The following B3GALT1 variants were observed in gnomAD, a reference collection of about 807,000 sequenced individuals.
The protein encoded by B3GALT1 is UDP-Gal:betaGlcNAc beta 1,3-galactosyltransferase, polypeptide 1.
B3GALT1 carries 10 observed loss-of-function variants against 23.2 expected under a neutral mutation model. The ratio of observed to expected loss-of-function variants is 0.43; its 90% CI spans 0.27 to 0.73. B3GALT1 has a LOEUF of 0.73. Among genes scored for constraint, B3GALT1 ranks in the 30% least tolerant of loss-of-function variants. The probability of loss-of-function intolerance (pLI) is 0.21; values close to 1 mark genes in which losing one functional copy is unlikely to be tolerated. For missense variants in B3GALT1, 299 were observed against 405.4 expected (o/e 0.74, Z 2.25); for synonymous variants, 156 against 141.5 (o/e 1.10, Z -0.73).
chr2:167,329,442 G>A (rs1389511141), intron 1 of B3GALT1, among the ~76,000 whole-genome samples: 3 of 152,152 alleles, frequency 2.0e-5, no homozygotes, highest in Admixed American at 2.0e-4. Context: ...TACATGTGCT[G>A]ATAAGAAGAG....
In B3GALT1 at chr2:167,511,656, AT is replaced by A. The variant is rs968660712; in HGVS notation, c.-410+21388del. Among the ~76,000 whole-genome samples the A allele has an allele frequency of 9.2e-5, 14 of 151,804 alleles. No homozygotes were observed. The South Asian group carries it at 1.2e-3, about 14-fold the overall frequency. ...ACCAAAAGGATATATTTTTGCATAG[AT>A]TTTTTTTTAATTAGGAAAGTCTTCC... On this transcript the variant is annotated intron_variant, in intron 2 of 4. Coordinates refer to ENST00000392690, the MANE Select transcript of B3GALT1 (RefSeq NM_020981.4).
chr2:167,790,461 CAG>C (rs1387839821), intron 3 of B3GALT1, among the ~76,000 whole-genome samples: 2 of 152,216 alleles, frequency 1.3e-5, no homozygotes, highest in African/African-American at 4.8e-5. Flanking sequence ...GTGACTCTAA[CAG>C]ATAACTATTT....
At chr2:167,542,400 T>TAA (rs1683547905) in intron 2 of B3GALT1, among the ~76,000 whole-genome samples, 1 of 152,210 alleles carries the variant, frequency 6.6e-6, no homozygotes, top group African/African-American at 2.4e-5. Context: ...ATGCTTATTC[T>TAA]GTGTTTAAAA....
chr2:167,736,826 C>T (rs1326089573), intron 3 of B3GALT1, among the ~76,000 whole-genome samples: 6 of 151,988 alleles, frequency 3.9e-5, no homozygotes, highest in South Asian at 2.1e-4. Context: ...TCCAGCTACT[C>T]GGGAGGCTGA....
At chr2:167,740,804 A>G (rs532217660) in intron 3 of B3GALT1, among the ~76,000 whole-genome samples, 1 of 152,322 alleles carries the variant, frequency 6.6e-6, no homozygotes, top group Admixed American at 6.5e-5. Flanking sequence ...CATAAGCTCT[A>G]TCCTAAGTCA....
intron 2 of B3GALT1, among the ~76,000 whole-genome samples, chr2:167,545,074 G>C (rs543574053): frequency 8.7e-6 from 1 of 115,088 alleles, no homozygotes; most frequent in Non-Finnish European, 1.6e-5. Context: ...TCGCTCTGTC[G>C]CCCAGGCTGG....
chr2:167,661,340 T>C (rs1444837801), intron 3 of B3GALT1, among the ~76,000 whole-genome samples: 1 of 152,040 alleles, frequency 6.6e-6, no homozygotes, highest in Non-Finnish European at 1.5e-5. Context: ...TGAGTTACTC[T>C]TTGGAAAAGC....
At chr2:167,769,034 T>G (rs1338356637) in intron 3 of B3GALT1, among the ~76,000 whole-genome samples, 1 of 152,116 alleles carries the variant, frequency 6.6e-6, no homozygotes, top group Non-Finnish European at 1.5e-5. Context: ...AGGACTAACA[T>G]AAGAAATTTT....
At position 167,317,155 on chromosome 2, in the gene B3GALT1, A is replaced by G. The variant is rs148617527; in HGVS notation, c.-511+23821A>G. ...GCACTATAGGCATTTAGATGGCTACATAAATAATGTGTTTATGTCGGAGGA... is the reference window on the plus strand; with the variant it reads ...GCACTATAGGCATTTAGATGGCTACGTAAATAATGTGTTTATGTCGGAGGA... On this transcript the variant is annotated intron_variant, in intron 1 of 4. Transcript: ENST00000392690. Among the ~76,000 whole-genome samples, 22 of 152,284 alleles carry G rather than the reference A, an allele frequency of 1.4e-4. No homozygotes were observed. In the East Asian group the frequency reaches 4.2e-3, roughly 29 times the overall value.
chr2:167,389,707 A>C (rs775567059), intron 1 of B3GALT1, among the ~76,000 whole-genome samples: 1 of 152,104 alleles, frequency 6.6e-6, no homozygotes, highest in Non-Finnish European at 1.5e-5. Flanking sequence ...ATGAGATGCA[A>C]AGCCTAGCCA....
intron 3 of B3GALT1, among the ~76,000 whole-genome samples, chr2:167,664,839 T>C (rs1376834021): frequency 1.3e-5 from 2 of 150,972 alleles, no homozygotes; most frequent in African/African-American, 2.4e-5. Context: ...CTGAAGTTGC[T>C]TATCAGCTTA....
intron 1 of B3GALT1, among the ~76,000 whole-genome samples, chr2:167,488,852 A>G (rs548295475): frequency 6.6e-6 from 1 of 152,158 alleles, no homozygotes; most frequent in East Asian, 1.9e-4. Context: ...TTTTTGTGTC[A>G]GGCTTGTTTC....
chr2:167,666,171 A>G (rs963200591), intron 3 of B3GALT1, among the ~76,000 whole-genome samples: 1 of 152,212 alleles, frequency 6.6e-6, no homozygotes, highest in African/African-American at 2.4e-5. Flanking sequence ...GTTCGTTTCA[A>G]AGAACATCTT....
chr2:167,348,906 T>C (rs991760609), intron 1 of B3GALT1, among the ~76,000 whole-genome samples: 14 of 152,212 alleles, frequency 9.2e-5, no homozygotes, highest in Non-Finnish European at 1.8e-4. Flanking sequence ...TAGTAAAAGT[T>C]CCTTGGAAAT....
At chr2:167,495,454 C>A (rs1046684110) in intron 2 of B3GALT1, among the ~76,000 whole-genome samples, 2 of 151,730 alleles carry the variant, frequency 1.3e-5, no homozygotes, top group African/African-American at 4.8e-5. Context: ...CTGCCTCAGC[C>A]TCCCGAGTAG....
At chr2:167,494,540 G>T (rs1487063535) in intron 2 of B3GALT1, among the ~76,000 whole-genome samples, 1 of 152,032 alleles carries the variant, frequency 6.6e-6, no homozygotes, top group African/African-American at 2.4e-5. Context: ...ATAACTGTAT[G>T]TTTGATATGA....
chr2:167,546,723 A>G (rs1683642876), intron 2 of B3GALT1, among the ~76,000 whole-genome samples: 1 of 152,152 alleles, frequency 6.6e-6, no homozygotes, highest in Non-Finnish European at 1.5e-5. Flanking sequence ...AATGTGGAAG[A>G]ACACCCCCTC....
At chr2:167,853,412 C>G (rs377249366) in intron 4 of B3GALT1, among the ~76,000 whole-genome samples, 41 of 152,116 alleles carry the variant, frequency 2.7e-4, no homozygotes, top group African/African-American at 9.6e-4. Flanking sequence ...TGGATCTAAC[C>G]CAATTATCCT....
rs1574142400 is a variant in B3GALT1, at chr2:167,565,739, C to T, written c.-410+75462C>T. On this transcript the variant is annotated intron_variant, in intron 2 of 4. Coordinates refer to ENST00000392690, the MANE Select transcript of B3GALT1 (RefSeq NM_020981.4). ...AGAAGACATTTATGCAGCCAAAAGG[C>T]ACATGAAAAAATGCTCACCATCACT... is the stretch of plus-strand genomic sequence containing the variant. Among the ~76,000 whole-genome samples, 2 of 152,276 alleles carry T rather than the reference C, an allele frequency of 1.3e-5. 1 individual carries two copies. The highest frequency in any genetic ancestry group is 4.8e-5 in the African/African-American group (2 of 41,538).
Sources: gnomAD v4.1 joint callset for allele counts (sites outside exome capture counted in the v4.1 genomes callset) on GRCh38, gnomAD v4.1.1 for gene constraint, MANE v1.5 for transcripts, NCBI Gene and HGNC (gene_info 2026-07-23, HGNC 2026-07-21) for gene names.